Variants in GPR176 observed in about 807,000 individuals in gnomAD.
GPR176 encodes the protein G protein-coupled receptor 176.
GPR176 carries 26 observed loss-of-function variants against 35.4 expected under a neutral mutation model. The observed-to-expected ratio is 0.74, with a 90% CI of 0.54 to 1.02. The LOEUF (loss-of-function observed/expected upper bound fraction) is 1.02, where lower values mean the gene tolerates loss of function less well. GPR176 is among the 50% of genes least tolerant of loss of function. GPR176 has a pLI of 0.00. For synonymous variants in GPR176, 278 were observed against 271.3 expected (o/e 1.02, Z -0.24); for missense variants, 597 against 665.3 (o/e 0.90, Z 1.13).
chr15:39,888,909 C>T (rs1306295289), intron 1 of GPR176, among the ~76,000 whole-genome samples: 1 of 152,146 alleles, frequency 6.6e-6, no homozygotes, highest in African/African-American at 2.4e-5. Context: ...ACTGGAACTC[C>T]CAGCAAGACT....
intron 1 of GPR176, among the ~76,000 whole-genome samples, chr15:39,836,317 T>C (rs1901396480): frequency 6.6e-6 from 1 of 152,146 alleles, no homozygotes; most frequent in Non-Finnish European, 1.5e-5. Flanking sequence ...AGATCTCTCA[T>C]AAATGGCTTG....
chr15:39,811,363 T>A lies in GPR176; in HGVS notation c.173-4105A>T, dbSNP rs530525925. Among the ~76,000 whole-genome samples the A allele has an allele frequency of 5.3e-5, 8 of 152,220 alleles. No homozygotes were observed. In the East Asian group the frequency reaches 1.5e-3, roughly 29 times the overall value. On this transcript the variant is annotated intron_variant, in intron 1 of 2. Transcript: ENST00000561100. Reference sequence around the variant, plus strand: ...ACATTTAATATAATTATTGATATGGTTGTATTAAAATCTGCCATCCTGCCA... The same window carrying A: ...ACATTTAATATAATTATTGATATGGATGTATTAAAATCTGCCATCCTGCCA...
intron 1 of GPR176, among the ~76,000 whole-genome samples, chr15:39,907,958 C>T (rs2140875796): frequency 6.6e-6 from 1 of 152,142 alleles, no homozygotes; most frequent in African/African-American, 2.4e-5. Flanking sequence ...GCACTCCAGC[C>T]TAGGTGAAAG....
intron 1 of GPR176, chr15:39,909,975 G>T: frequency 3.5e-6 from 2 of 572,410 alleles, no homozygotes; most frequent in Non-Finnish European, 4.4e-6. Context: ...TCATAGCTGT[G>T]TCTTCTTTTG....
rs58812005 is a variant in GPR176 at position 39,817,068 on chromosome 15, C to CAAAAAA, written c.173-9816_173-9811dup. Among the ~76,000 whole-genome samples the CAAAAAA allele has an allele frequency of 2.8e-3, 213 of 77,288 alleles. 8 individuals carry two copies. Among genetic ancestry groups the CAAAAAA allele is most frequent in the African/African-American group, 0.012 (199 of 17,230 alleles). The allele number at this position is 77,288 out of a possible 152,430, so 50.7% of individuals were successfully genotyped here. A position where few individuals can be genotyped will look rare whatever the true frequency, so the allele number is the denominator to read the frequency against. On this transcript the variant is annotated intron_variant, in intron 1 of 2. Transcript: ENST00000561100. The stretch of plus-strand genomic sequence containing the variant: ...TTGGTAACAGAGCAGGATTCTGTCT[C>CAAAAAA]AAAAAAAAAAAAAAAGCTTTGAAAA...
At chr15:39,859,072 C>G (rs1228592399) in intron 1 of GPR176, among the ~76,000 whole-genome samples, 1 of 151,926 alleles carries the variant, frequency 6.6e-6, no homozygotes, top group African/African-American at 2.4e-5. Context: ...TGTGAGAAAA[C>G]AAATCATCAT....
chr15:39,856,644 C>T (rs1435407163), intron 1 of GPR176, among the ~76,000 whole-genome samples: 1 of 152,210 alleles, frequency 6.6e-6, no homozygotes, highest in African/African-American at 2.4e-5. Flanking sequence ...CCCAGAGACA[C>T]TGATCCAAGA....
At chr15:39,913,406 A>G (rs1349875849) in intron 1 of GPR176, among the ~76,000 whole-genome samples, 2 of 152,150 alleles carry the variant, frequency 1.3e-5, no homozygotes, top group Non-Finnish European at 2.9e-5. Context: ...TTAGATGGGC[A>G]TGGTGGCACA....
chr15:39,847,388 C>T (rs1452245026), intron 1 of GPR176, among the ~76,000 whole-genome samples: 2 of 152,034 alleles, frequency 1.3e-5, no homozygotes, highest in African/African-American at 4.8e-5. Flanking sequence ...AGACTCACTT[C>T]AAATATAATG....
rs571796751 is a variant in GPR176, at chr15:39,857,685, A to G, written c.173-50427T>C. ...ACATTGTCTCAAAAAAGAAAAAAAA[A>G]GGGCAGGGCGCGGTGGCTTGTGCCT... is the stretch of plus-strand genomic sequence containing the variant. On this transcript the variant is annotated intron_variant, in intron 1 of 2. Coordinates refer to ENST00000561100, the MANE Select transcript of GPR176 (RefSeq NM_007223.3). Among the ~76,000 whole-genome samples, 57 of 152,006 alleles carry G rather than the reference A, an allele frequency of 3.7e-4. No individual in the cohort carries two copies. In the East Asian group the frequency reaches 8.1e-3, roughly 22 times the overall value.
At chr15:39,829,605 T>TGTTATAAACACTTAC (rs1287565391) in intron 1 of GPR176, among the ~76,000 whole-genome samples, 3 of 151,696 alleles carry the variant, frequency 2.0e-5, no homozygotes, top group Non-Finnish European at 4.4e-5. Flanking sequence ...TAAACACTTA[T>TGTTATAAACACTTAC]GTTTATTGAT....
intron 1 of GPR176, among the ~76,000 whole-genome samples, chr15:39,843,864 A>G (rs1418930649): frequency 6.6e-6 from 1 of 152,130 alleles, no homozygotes; most frequent in Non-Finnish European, 1.5e-5. Context: ...CACTTCCCTC[A>G]TTTAATTTCC....
intron 1 of GPR176, among the ~76,000 whole-genome samples, chr15:39,851,403 T>C (rs1202893355): frequency 2.0e-5 from 3 of 152,150 alleles, no homozygotes; most frequent in African/African-American, 7.2e-5. Flanking sequence ...CAAGATGGGG[T>C]TGCTTACCCT....
intron 1 of GPR176, among the ~76,000 whole-genome samples, chr15:39,902,033 G>A (rs1239680399): frequency 1.3e-5 from 2 of 152,078 alleles, no homozygotes; most frequent in African/African-American, 2.4e-5. Context: ...GCAGTGAGCC[G>A]AGATTGTGCC....
intron 1 of GPR176, among the ~76,000 whole-genome samples, chr15:39,812,530 C>T (rs937288815): frequency 6.6e-6 from 1 of 152,190 alleles, no homozygotes; most frequent in Non-Finnish European, 1.5e-5. Context: ...GAAGGCTGCA[C>T]TATTGGCTTC....
Position 39,872,194 on chromosome 15 carries a change from G to A in GPR176, c.172+47661C>T, listed in dbSNP as rs1296059032. On this transcript the variant is annotated intron_variant, in intron 1 of 2. Coordinates refer to ENST00000561100, the MANE Select transcript of GPR176 (RefSeq NM_007223.3). ...GAAGAAATAAGTTGTATAATAGAGA[G>A]ATAAACAACATTGTAGGAGAAAAGA... 2.6e-5 allele frequency among the ~76,000 whole-genome samples: 4 copies of A among 152,250 alleles called. No individual in the cohort carries two copies. The East Asian group carries it at 7.7e-4, about 29-fold the overall frequency.
rs76578471 is a variant in GPR176, at chr15:39,802,230, C to T, written c.450G>A (p.Leu150=). The change falls in exon 3 of 3, where the codon CTG becomes CTA. Residue 150 remains leucine (L), a synonymous_variant. Transcript: ENST00000561100. ...ACTTGGCATCAGATATTTTCCTCTC[C>T]AGTGGATAGAGGACTGAGTAGTACC... ...LDRYYSVLYP[L]ERKISDAKSR... is the part of the protein sequence containing the mutation. 1.8e-3 allele frequency: 2,870 copies of T among 1,611,386 alleles called. 42 individuals are homozygous for T. The African/African-American group carries it at 0.033, about 19-fold the overall frequency.
chr15:39,913,964 T>C (rs1315863294), intron 1 of GPR176, among the ~76,000 whole-genome samples: 5 of 152,084 alleles, frequency 3.3e-5, no homozygotes, highest in Admixed American at 6.5e-5. Context: ...GAGAATGGCG[T>C]GAACCTGGGA....
chr15:39,900,245 A>C (rs1441171041), intron 1 of GPR176, among the ~76,000 whole-genome samples: 1 of 152,010 alleles, frequency 6.6e-6, no homozygotes, highest in Non-Finnish European at 1.5e-5. Context: ...AAAAAAGAAG[A>C]AGCCTAACAG....
Sources: gnomAD v4.1 joint callset for allele counts (sites outside exome capture counted in the v4.1 genomes callset) on GRCh38, gnomAD v4.1.1 for gene constraint, MANE v1.5 for transcripts, NCBI Gene and HGNC (gene_info 2026-07-23, HGNC 2026-07-21) for gene names.